The following DCDC1 variants were observed in gnomAD, a reference collection of about 807,000 sequenced individuals.
DCDC1 encodes the protein doublecortin domain-containing protein 1.
A neutral mutation model predicts 178.3 loss-of-function variants in DCDC1; 200 were observed. The observed-to-expected ratio is 1.12, with a 90% CI of 1.00 to 1.26. DCDC1 has a LOEUF of 1.26. DCDC1 is among the 50% of genes most tolerant of loss of function. DCDC1 has a pLI of 0.00. For synonymous variants in DCDC1, 690 were observed against 604.8 expected, an observed-to-expected ratio of 1.14 and a Z score of -2.07; for missense variants, 1,983 against 1,749.2, an observed-to-expected ratio of 1.13 and a Z score of -2.38.
rs776459679 is a variant in DCDC1, at chr11:31,276,352, G to GT, written c.961-10753dup. On this transcript the variant is annotated intron_variant, in intron 7 of 38. Coordinates refer to ENST00000684477, the MANE Select transcript of DCDC1 (RefSeq NM_001387274.1). ...AAATTATGAAAATGAATGGATAATT[G>GT]TGAAACTAATCATTTGGATTACTAA... Among the ~76,000 whole-genome samples, 73 of 152,156 alleles carry GT rather than the reference G, an allele frequency of 4.8e-4. 1 individual carries two copies. Among genetic ancestry groups the GT allele is most frequent in the Non-Finnish European group, 9.4e-4 (64 of 68,016 alleles).
chr11:30,920,022 C>T (rs1345053179), intron 25 of DCDC1, among the ~76,000 whole-genome samples: 1 of 152,126 alleles, frequency 6.6e-6, no homozygotes, highest in Non-Finnish European at 1.5e-5. Flanking sequence ...TATCATTCTA[C>T]AGATAAGTAC....
chr11:30,939,775 G>C (rs1452117358), intron 21 of DCDC1, among the ~76,000 whole-genome samples: 1 of 152,100 alleles, frequency 6.6e-6, no homozygotes, highest in Non-Finnish European at 1.5e-5. Flanking sequence ...GTCAGTACTT[G>C]ATTTATCATG....
chr11:31,073,620 A>G (rs1956699278), intron 18 of DCDC1, among the ~76,000 whole-genome samples: 1 of 152,190 alleles, frequency 6.6e-6, no homozygotes, highest in Non-Finnish European at 1.5e-5. Flanking sequence ...CTCCTTCTTC[A>G]TCTACCTAGA....
intron 1 of DCDC1, among the ~76,000 whole-genome samples, chr11:31,355,667 A>C (rs2133335090): frequency 6.6e-6 from 1 of 152,128 alleles, no homozygotes; most frequent in East Asian, 1.9e-4. Flanking sequence ...TCCCAGGTTC[A>C]AGCGATTCTC....
chr11:31,221,313 T>C (rs961804865), intron 9 of DCDC1, among the ~76,000 whole-genome samples: 2 of 152,314 alleles, frequency 1.3e-5, no homozygotes, highest in East Asian at 1.9e-4. Flanking sequence ...AGACAAGTTA[T>C]ATGCTTCCAA....
At chr11:31,194,177 T>G (rs965826070) in intron 9 of DCDC1, among the ~76,000 whole-genome samples, 2 of 152,134 alleles carry the variant, frequency 1.3e-5, no homozygotes, top group African/African-American at 4.8e-5. Flanking sequence ...TTTCAGCATA[T>G]CACAAGCCCT....
chr11:30,971,758 C>T (rs1052427165), intron 20 of DCDC1, among the ~76,000 whole-genome samples: 7 of 151,726 alleles, frequency 4.6e-5, no homozygotes, highest in South Asian at 2.1e-4. Context: ...TACAGGTGCC[C>T]GCCACCACGC....
At chr11:31,175,982 A>G (rs747726484) in intron 9 of DCDC1, among the ~76,000 whole-genome samples, 2 of 152,208 alleles carry the variant, frequency 1.3e-5, no homozygotes, top group Non-Finnish European at 2.9e-5. Context: ...GTAGGGACAC[A>G]AGAAACATGA....
chr11:31,281,769 C>T (rs978816175), intron 7 of DCDC1, among the ~76,000 whole-genome samples: 58 of 152,104 alleles, frequency 3.8e-4, no homozygotes, highest in African/African-American at 1.3e-3. Context: ...GCTTGGCTTT[C>T]GTTCTCCCTC....
chr11:31,239,586 C>T (rs1413351719), intron 9 of DCDC1, among the ~76,000 whole-genome samples: 2 of 151,746 alleles, frequency 1.3e-5, no homozygotes, highest in South Asian at 2.1e-4. Context: ...ACTTAAGTAT[C>T]ATATTAAAAC....
At chr11:30,912,732 T>TTGG (rs1191887738) in intron 27 of DCDC1, among the ~76,000 whole-genome samples, 1 of 152,212 alleles carries the variant, frequency 6.6e-6, no homozygotes, top group African/African-American at 2.4e-5. Flanking sequence ...AACCCTAGCC[T>TTGG]TGGGGAGGGG....
At chr11:31,027,926 C>G (rs2135253604) in intron 20 of DCDC1, among the ~76,000 whole-genome samples, 1 of 151,852 alleles carries the variant, frequency 6.6e-6, no homozygotes, top group East Asian at 1.9e-4. Flanking sequence ...GTGACTAAAC[C>G]ACAGTTACAT....
At chr11:31,294,306 G>A (rs1479610767) in intron 6 of DCDC1, among the ~76,000 whole-genome samples, 4 of 152,080 alleles carry the variant, frequency 2.6e-5, no homozygotes, top group Admixed American at 6.5e-5. Context: ...CAGAATGGGC[G>A]CTGTGGCTCA....
intron 36 of DCDC1, among the ~76,000 whole-genome samples, chr11:30,888,122 G>GAA (rs1230607892): frequency 3.5e-4 from 47 of 135,748 alleles, no homozygotes; most frequent in East Asian, 2.6e-3. Context: ...AAGAAAGAAA[G>GAA]AAAGAAAGAA....
chr11:31,281,013 G>A (rs1342711231), intron 7 of DCDC1: 3 of 559,208 alleles, frequency 5.4e-6, no homozygotes, highest in Non-Finnish European at 6.9e-6. Context: ...TCGTCACAAC[G>A]AAGGTTCCCG....
chr11:31,035,684 A>C (rs926464647), intron 20 of DCDC1, among the ~76,000 whole-genome samples: 1 of 152,260 alleles, frequency 6.6e-6, no homozygotes, highest in Non-Finnish European at 1.5e-5. Flanking sequence ...TTTCCTTAGT[A>C]ATTAATAAAT....
chr11:31,235,965 A>G (rs1201819204), intron 9 of DCDC1, among the ~76,000 whole-genome samples: 3 of 152,052 alleles, frequency 2.0e-5, no homozygotes, highest in Non-Finnish European at 4.4e-5. Flanking sequence ...AAAGTGAATT[A>G]TTTAATAAAT....
At chr11:31,224,352 A>G (rs1424405895) in intron 9 of DCDC1, among the ~76,000 whole-genome samples, 1 of 152,034 alleles carries the variant, frequency 6.6e-6, no homozygotes, top group African/African-American at 2.4e-5. Context: ...ACCTTATACA[A>G]AACTCAACTC....
rs77494737 is a variant in DCDC1, at chr11:30,880,117, T to A, written c.5233+1041A>T. Among the ~76,000 whole-genome samples the A allele has an allele frequency of 2.2e-3, 341 of 152,310 alleles. 2 individuals carry two copies. The highest frequency in any genetic ancestry group is 7.9e-3 in the African/African-American group (328 of 41,558). ...ACTGGGGATACAGAAAGCTATTGAC[T>A]AATACTTACTGATAATAAGAACCTC... On this transcript the variant is annotated intron_variant, in intron 37 of 38. Transcript: ENST00000684477.
Sources: gnomAD v4.1 joint callset for allele counts (sites outside exome capture counted in the v4.1 genomes callset) on GRCh38, gnomAD v4.1.1 for gene constraint, MANE v1.5 for transcripts, NCBI Gene and HGNC (gene_info 2026-07-23, HGNC 2026-07-21) for gene names.